Variants in TRIM9 observed in about 807,000 individuals in gnomAD.
TRIM9 encodes E3 ubiquitin-protein ligase TRIM9.
Under a neutral mutation model 78.3 loss-of-function variants are expected in TRIM9, and 26 were observed. That is an observed-to-expected ratio of 0.33 (90% CI 0.24 to 0.46). The LOEUF is 0.46. Ranked by LOEUF, TRIM9 falls within the 20% of genes least tolerant of loss-of-function variation. TRIM9 has a pLI of 1.00. For synonymous variants in TRIM9, 398 were observed against 416.5 expected, an observed-to-expected ratio of 0.96 and a Z score of 0.54; for missense variants, 787 against 1,036.4, an observed-to-expected ratio of 0.76 and a Z score of 3.30.
At chr14:51,008,702 C>T (rs998331411) in intron 5 of TRIM9, among the ~76,000 whole-genome samples, 4 of 152,212 alleles carry the variant, frequency 2.6e-5, no homozygotes, top group Non-Finnish European at 5.9e-5. Flanking sequence ...CTATCTCTAT[C>T]CATGTGGAAG....
intron 5 of TRIM9, among the ~76,000 whole-genome samples, chr14:51,007,994 C>A (rs1322294659): frequency 1.3e-5 from 2 of 152,086 alleles, no homozygotes; most frequent in East Asian, 3.8e-4. Context: ...AAGAAACAAA[C>A]CTTTTAAAGC....
At chr14:51,047,738 C>T (rs571635814) in intron 1 of TRIM9, among the ~76,000 whole-genome samples, 2 of 152,218 alleles carry the variant, frequency 1.3e-5, no homozygotes, top group South Asian at 4.2e-4. Flanking sequence ...AGGTGCCAAC[C>T]CAATGCTATG....
chr14:50,977,212 C>T lies in TRIM9; in HGVS notation c.*79G>A, dbSNP rs2051153377. 2.4e-6 allele frequency: 3 copies of T among 1,269,390 alleles called. No individual in the cohort carries two copies. The South Asian group carries it at 6.4e-5, about 27-fold the overall frequency. The allele number at this position is 1,269,390 out of a possible 1,614,324, so 78.6% of individuals were successfully genotyped here. A position where few individuals can be genotyped will look rare whatever the true frequency, so the allele number is the denominator to read the frequency against. On this transcript the variant is annotated 3_prime_UTR_variant, in exon 13 of 13. Transcript: ENST00000684578. ...CCACTCCTGCCAACTCTGCACCCCA[C>T]CACGGCTGGCTGAGCTCCTTGCTGT...
At chr14:51,091,934 A>G (rs2064374304) in intron 1 of TRIM9, among the ~76,000 whole-genome samples, 2 of 152,190 alleles carry the variant, frequency 1.3e-5, no homozygotes, top group Admixed American at 1.3e-4. Context: ...ATGGGGCTTG[A>G]CAGAGATTTA....
At chr14:51,005,630 T>C (rs2055679907) in intron 5 of TRIM9, among the ~76,000 whole-genome samples, 1 of 152,190 alleles carries the variant, frequency 6.6e-6, no homozygotes, top group Non-Finnish European at 1.5e-5. Context: ...GAGCTGATCA[T>C]ACAACCTTAG....
chr14:50,989,335 C>T (rs2053175540), intron 7 of TRIM9, among the ~76,000 whole-genome samples: 1 of 152,152 alleles, frequency 6.6e-6, no homozygotes, highest in Admixed American at 6.5e-5. Context: ...CTGCGTTATG[C>T]CCATGGGATG....
chr14:51,018,288 T>G (rs1159922569), intron 3 of TRIM9, among the ~76,000 whole-genome samples: 3 of 151,822 alleles, frequency 2.0e-5, no homozygotes, highest in Non-Finnish European at 4.4e-5. Flanking sequence ...CCTGCCTGCC[T>G]TCCTTCCTTC....
rs2052657673 is a variant in TRIM9, at chr14:50,985,956, C to G, written c.1792G>C (p.Gly598Arg). The G allele has an allele frequency of 6.5e-7, 1 of 1,527,462 alleles. No homozygotes were observed. The allele number at this position is 1,527,462 out of a possible 1,614,324, so 94.6% of individuals were successfully genotyped here. A position where few individuals can be genotyped will look rare whatever the true frequency, so the allele number is the denominator to read the frequency against. The change falls in exon 8 of 13, where the codon GGA (glycine) becomes CGA (arginine). Residue 598 changes from glycine to arginine, a missense_variant and splice_region_variant. This residue lies in a region of TRIM9 where 421 missense variants were observed against 514.3 expected (regional missense o/e 0.82). Coordinates refer to ENST00000684578, the MANE Select transcript of TRIM9 (RefSeq NM_001387360.1). Reference protein sequence around the residue: ...HSSLQSLNAPGCNFETQSAPY... With the variant: ...HSSLQSLNAPRCNFETQSAPY... ...GAAAGGTCTGAGGAGCTCAGCTCAC[C>G]CGGTGCATTGAGAGACTGTAAAGAG...
At chr14:51,075,796 T>G (rs2062726014) in intron 1 of TRIM9, among the ~76,000 whole-genome samples, 1 of 152,208 alleles carries the variant, frequency 6.6e-6, no homozygotes, top group Admixed American at 6.5e-5. Context: ...TCATTGCTCT[T>G]GGCCACCTTC....
At chr14:51,092,981 A>T (rs2140390792) in intron 1 of TRIM9, among the ~76,000 whole-genome samples, 1 of 152,156 alleles carries the variant, frequency 6.6e-6, no homozygotes, top group African/African-American at 2.4e-5. Context: ...TGGGGAAGAG[A>T]GCTTCAGGCT....
chr14:50,998,111 C>T lies in TRIM9; in HGVS notation c.1542G>A (p.Lys514=). 1.2e-6 allele frequency: 2 copies of T among 1,614,230 alleles called. No homozygotes were observed. The highest frequency in any genetic ancestry group is 1.7e-6 in the Non-Finnish European group (2 of 1,180,032). ...GGCTGACTCCTGTTTTGTTGAAGGC[C>T]TTGACCCGAGCGTTGTATGTGCTGT... is the stretch of plus-strand genomic sequence containing the variant. The part of the protein sequence containing the change: ...HFNSTYNARV[K]AFNKTGVSPY... The change falls in exon 7 of 13, where the codon AAG becomes AAA. Residue 514 remains lysine, a synonymous_variant. Coordinates refer to ENST00000684578, the MANE Select transcript of TRIM9 (RefSeq NM_001387360.1).
chr14:51,076,486 T>C (rs902257509), intron 1 of TRIM9, among the ~76,000 whole-genome samples: 3 of 152,208 alleles, frequency 2.0e-5, no homozygotes, highest in Non-Finnish European at 4.4e-5. Context: ...GTTCTTTCCA[T>C]GCTTTAGGTA....
intron 1 of TRIM9, among the ~76,000 whole-genome samples, chr14:51,054,663 T>C (rs2060742863): frequency 6.6e-6 from 1 of 151,924 alleles, no homozygotes; most frequent in Non-Finnish European, 1.5e-5. Context: ...AAGCTCCGCC[T>C]CCCGGGTTCA....
intron 3 of TRIM9, among the ~76,000 whole-genome samples, chr14:51,014,186 C>T (rs1347440489): frequency 6.6e-6 from 1 of 152,218 alleles, no homozygotes; most frequent in Non-Finnish European, 1.5e-5. Context: ...ACTCAGTCCT[C>T]ATAAAATTCC....
intron 11 of TRIM9, among the ~76,000 whole-genome samples, chr14:50,981,263 A>G (rs1194638762): frequency 6.6e-6 from 1 of 152,230 alleles, no homozygotes; most frequent in Admixed American, 6.5e-5. Context: ...AGTTCTCTAT[A>G]AGTAGAAAGC....
intron 12 of TRIM9, chr14:50,978,682 T>C (rs953848213): frequency 1.2e-5 from 2 of 160,764 alleles, no homozygotes; most frequent in East Asian, 1.9e-4. Flanking sequence ...CTGATTAACA[T>C]TGTAATTATG....
chr14:51,043,171 A>T (rs1253380590), intron 1 of TRIM9, among the ~76,000 whole-genome samples: 6 of 152,156 alleles, frequency 3.9e-5, no homozygotes, highest in Non-Finnish European at 5.9e-5. Context: ...CATTTCTATT[A>T]TATATTTTGA....
intron 9 of TRIM9, 94 bp from the exon 10 acceptor site, chr14:50,983,059 C>T: frequency 8.4e-7 from 1 of 1,197,532 alleles, no homozygotes; most frequent in Non-Finnish European, 1.2e-6. Context: ...AGACTAGTAC[C>T]CCAAAAGGAC....
chr14:50,991,646 T>C (rs986407767), intron 7 of TRIM9, among the ~76,000 whole-genome samples: 2 of 152,256 alleles, frequency 1.3e-5, no homozygotes, highest in African/African-American at 2.4e-5. Flanking sequence ...AGACTCATTA[T>C]GACCCTTGGA....
Sources: allele counts gnomAD v4.1 joint callset (sites outside exome capture counted in the v4.1 genomes callset), GRCh38; gene constraint gnomAD v4.1.1; regional missense constraint gnomAD v4.1.1; transcripts MANE v1.5; gene names NCBI Gene and HGNC (gene_info 2026-07-23, HGNC 2026-07-21).